KLHL29: variants seen among roughly 807,000 people sequenced by gnomAD.
KLHL29 encodes the protein kelch-like protein 29.
Under a neutral mutation model 80.4 loss-of-function variants are expected in KLHL29, and 21 were observed. The ratio of observed to expected loss-of-function variants is 0.26; its 90% CI spans 0.19 to 0.38. KLHL29 has a LOEUF of 0.38. Ranked by LOEUF, KLHL29 falls within the 10% of genes least tolerant of loss-of-function variation. KLHL29 has a pLI of 1.00. For missense variants in KLHL29, 867 were observed against 1,223.9 expected (o/e 0.71, Z 4.35); for synonymous variants, 511 against 526.8 (o/e 0.97, Z 0.41).
chr2:23,530,860 C>T (rs890175146), intron 2 of KLHL29, among the ~76,000 whole-genome samples: 1 of 152,216 alleles, frequency 6.6e-6, no homozygotes, highest in Non-Finnish European at 1.5e-5. Flanking sequence ...TTGCCCCATC[C>T]CACCAGCTTT....
chr2:23,690,967 C>T (rs1230207739), intron 6 of KLHL29: 1 of 153,272 alleles, frequency 6.5e-6, no homozygotes, highest in Non-Finnish European at 1.5e-5. Flanking sequence ...GAGGGCCCGC[C>T]CCGGGCCAGG....
chr2:23,418,069 G>A (rs1662645908), intron 1 of KLHL29, among the ~76,000 whole-genome samples: 1 of 152,198 alleles, frequency 6.6e-6, no homozygotes, highest in Non-Finnish European at 1.5e-5. Flanking sequence ...ACAGTCCCTG[G>A]CATATTGTAG....
chr2:23,614,929 T>C (rs1186919642), intron 3 of KLHL29, among the ~76,000 whole-genome samples: 1 of 152,060 alleles, frequency 6.6e-6, no homozygotes, highest in Admixed American at 6.5e-5. Context: ...ATGATGGGAA[T>C]GGAGTGTGCT....
rs945014195 is a variant in KLHL29, at chr2:23,707,439, ATGT to A, written c.*779_*781del. The A allele has an allele frequency of 6.6e-6, 1 of 152,234 alleles. No homozygotes were observed. Among genetic ancestry groups the A allele is most frequent in the Non-Finnish European group, 1.5e-5 (1 of 68,058 alleles). 9.4% of individuals were successfully genotyped at this position (152,234 alleles called of 1,614,324 possible). The stretch of plus-strand genomic sequence containing the variant: ...GGAGGAGCAGGCCACAAGAGGGATA[ATGT>A]TGTGGGAATTCCCAAAGCTCTTTGT... On this transcript the variant is annotated 3_prime_UTR_variant, in exon 14 of 14. Transcript: ENST00000486442.
intron 1 of KLHL29, among the ~76,000 whole-genome samples, chr2:23,409,901 T>C (rs1346217966): frequency 1.3e-5 from 2 of 152,066 alleles, no homozygotes; most frequent in Non-Finnish European, 2.9e-5. Context: ...TTTAAAGAAA[T>C]GATAAGCTTA....
At position 23,703,171 on chromosome 2, in the gene KLHL29, TCTC is replaced by T; in HGVS notation, c.2106-11_2106-9del. The T allele has an allele frequency of 7.1e-7, 1 of 1,403,328 alleles. No individual in the cohort carries two copies. The highest frequency in any genetic ancestry group is 9.3e-7 in the Non-Finnish European group (1 of 1,072,980). The allele number at this position is 1,403,328 out of a possible 1,614,324, so 86.9% of individuals were successfully genotyped here. A position where few individuals can be genotyped will look rare whatever the true frequency, so the allele number is the denominator to read the frequency against. ...GTCCATCTTGACCCTGGGCTCTTTT[TCTC>T]CTCTCCTGCAGGTACGACACCATCA... On this transcript the variant is annotated splice_polypyrimidine_tract_variant and intron_variant, in intron 11 of 13. Transcript: ENST00000486442.
At chr2:23,658,076 G>GCCCTCCT (rs552563626) in intron 5 of KLHL29, among the ~76,000 whole-genome samples, 37 of 151,890 alleles carry the variant, frequency 2.4e-4, no homozygotes, top group African/African-American at 8.0e-4. Flanking sequence ...TCCATGCTTG[G>GCCCTCCT]CCCTCCTCCC....
chr2:23,660,226 CT>C (rs1258063496), intron 5 of KLHL29, among the ~76,000 whole-genome samples: 40 of 152,328 alleles, frequency 2.6e-4, no homozygotes, highest in African/African-American at 9.6e-4. Flanking sequence ...GGACCACCCC[CT>C]GCCTCACCAA....
intron 1 of KLHL29, among the ~76,000 whole-genome samples, chr2:23,461,194 C>T (rs575313227): frequency 1.8e-4 from 28 of 152,264 alleles, no homozygotes; most frequent in Admixed American, 1.2e-3. Flanking sequence ...TCTTGTTATC[C>T]CCATCTCACA....
intron 3 of KLHL29, among the ~76,000 whole-genome samples, chr2:23,618,831 A>G (rs956513553): frequency 6.6e-6 from 1 of 152,230 alleles, no homozygotes; most frequent in African/African-American, 2.4e-5. Flanking sequence ...TGATCAAGCT[A>G]CCTGTGTCCT....
At chr2:23,528,453 A>T (rs919632580) in intron 2 of KLHL29, among the ~76,000 whole-genome samples, 4 of 152,122 alleles carry the variant, frequency 2.6e-5, no homozygotes, top group Non-Finnish European at 5.9e-5. Flanking sequence ...GAGGAAGAAG[A>T]CGTGACTGGA....
intron 2 of KLHL29, among the ~76,000 whole-genome samples, chr2:23,526,664 C>T (rs1163495471): frequency 6.6e-6 from 1 of 152,168 alleles, no homozygotes; most frequent in Non-Finnish European, 1.5e-5. Flanking sequence ...AGAGCAGCAC[C>T]TTTGTGGCCT....
At chr2:23,600,088 T>C (rs1668531858) in intron 3 of KLHL29, among the ~76,000 whole-genome samples, 1 of 152,192 alleles carries the variant, frequency 6.6e-6, no homozygotes, top group Non-Finnish European at 1.5e-5. Context: ...ATATGTTAGC[T>C]AGAATGCAGC....
rs955272023 is a variant in KLHL29, at chr2:23,699,025, C to CACTT, written c.2105+2516_2105+2519dup. ...GAACTTCTGACACTGTCCAAAAAGA[C>CACTT]ACTTACTCCATTGCATATAAGCTAC... On this transcript the variant is annotated intron_variant, in intron 11 of 13. Transcript: ENST00000486442. 1.5e-4 allele frequency among the ~76,000 whole-genome samples: 23 copies of CACTT among 152,348 alleles called. No individual in the cohort carries two copies. In the South Asian group the frequency reaches 1.7e-3, roughly 11 times the overall value.
chr2:23,570,324 C>T lies in KLHL29; in HGVS notation c.285+7843C>T, dbSNP rs887859285. ...CTTCTGGCACTGTGAAAAGGAGTCC[C>T]GGGAGCTGGGGAATGGCGCGAGGTG... On this transcript the variant is annotated intron_variant, in intron 3 of 13. Transcript: ENST00000486442. 3.3e-5 allele frequency among the ~76,000 whole-genome samples: 5 copies of T among 152,158 alleles called. No individual in the cohort carries two copies. The South Asian group carries it at 6.2e-4, about 19-fold the overall frequency.
chr2:23,584,253 T>C (rs530843938), intron 3 of KLHL29, among the ~76,000 whole-genome samples: 1 of 152,356 alleles, frequency 6.6e-6, no homozygotes, highest in East Asian at 1.9e-4. Flanking sequence ...TACCCAGCTG[T>C]TGCTGGTGCC....
chr2:23,696,608 C>A lies in KLHL29; in HGVS notation c.2105+95C>A. On this transcript the variant is annotated intron_variant, in intron 11 of 13. Transcript: ENST00000486442. The surrounding 1 kb of genome is among the most constrained non-coding windows in gnomAD (Gnocchi z 5.5). ...GTACCTCCCAACACCCACTCAGTGG[C>A]GATGGAGCAGAGCCTGGACCATTCA... 4 of 1,004,980 alleles carry A rather than the reference C, an allele frequency of 4.0e-6. No individual in the cohort carries two copies. Among genetic ancestry groups the A allele is most frequent in the Non-Finnish European group, 5.8e-6 (4 of 691,704 alleles). The allele number at this position is 1,004,980 out of a possible 1,614,324, so 62.3% of individuals were successfully genotyped here.
intron 2 of KLHL29, among the ~76,000 whole-genome samples, chr2:23,561,707 G>C (rs1052088822): frequency 3.3e-5 from 5 of 152,144 alleles, no homozygotes; most frequent in African/African-American, 1.2e-4. Context: ...TTTATGTAAA[G>C]GGCTTTGTCC....
At chr2:23,422,371 G>A (rs928260266) in intron 1 of KLHL29, among the ~76,000 whole-genome samples, 2 of 151,814 alleles carry the variant, frequency 1.3e-5, no homozygotes, top group African/African-American at 4.8e-5. Flanking sequence ...GTGTGTGTGT[G>A]TCTGTGTGTG....
Sources: allele counts gnomAD v4.1 joint callset (sites outside exome capture counted in the v4.1 genomes callset), GRCh38; gene constraint gnomAD v4.1.1; non-coding constraint Gnocchi (gnomAD v3.1); transcripts MANE v1.5; gene names NCBI Gene and HGNC (gene_info 2026-07-23, HGNC 2026-07-21).